TNFRSF8: variants seen among roughly 807,000 people sequenced by gnomAD.
TNFRSF8 encodes tumor necrosis factor receptor superfamily member 8.
Under a neutral mutation model 70.8 loss-of-function variants are expected in TNFRSF8, and 26 were observed. That is an observed-to-expected ratio of 0.37 (90% CI 0.27 to 0.51). TNFRSF8 has a LOEUF of 0.51. TNFRSF8 is among the 20% of genes least tolerant of loss of function. TNFRSF8 has a pLI of 0.94. For missense variants in TNFRSF8, 720 were observed against 807.9 expected (o/e 0.89, Z 1.32); for synonymous variants, 356 against 339.2 (o/e 1.05, Z -0.54).
At chr1:12,081,312 C>A (rs1344516046) in intron 1 of TNFRSF8, among the ~76,000 whole-genome samples, 1 of 152,118 alleles carries the variant, frequency 6.6e-6, no homozygotes, top group Non-Finnish European at 1.5e-5. Context: ...AGACCAAGGA[C>A]AAGGACCCAG....
chr1:12,098,001 T>A (rs1641359735), intron 3 of TNFRSF8, among the ~76,000 whole-genome samples: 1 of 152,236 alleles, frequency 6.6e-6, no homozygotes, highest in Non-Finnish European at 1.5e-5. Context: ...GTATACTTGT[T>A]CATCTATTAG....
intron 1 of TNFRSF8, among the ~76,000 whole-genome samples, chr1:12,065,231 T>G (rs1270395647): frequency 6.6e-6 from 1 of 151,920 alleles, no homozygotes; most frequent in African/African-American, 2.4e-5. Context: ...TACAGGCATG[T>G]GCCACCACAC....
chr1:12,103,447 C>A (rs1641460207), intron 3 of TNFRSF8, among the ~76,000 whole-genome samples: 1 of 152,108 alleles, frequency 6.6e-6, no homozygotes, highest in African/African-American at 2.4e-5. Context: ...ATACCCTCAA[C>A]CCCCTTCCCA....
At chr1:12,128,422 A>G (rs1436027849) in intron 12 of TNFRSF8, among the ~76,000 whole-genome samples, 1 of 152,206 alleles carries the variant, frequency 6.6e-6, no homozygotes, top group Non-Finnish European at 1.5e-5. Context: ...CCTCGAGTGG[A>G]TCGACCTTCC....
At chr1:12,100,877 A>G (rs1018183485) in intron 3 of TNFRSF8, among the ~76,000 whole-genome samples, 3 of 151,728 alleles carry the variant, frequency 2.0e-5, no homozygotes, top group African/African-American at 7.3e-5. Context: ...GAATTGCTTG[A>G]ACCCGGGAGG....
In TNFRSF8 at chr1:12,073,810, G is replaced by A. The variant is rs150791048; in HGVS notation, c.63+10149G>A. Reference sequence around the variant, plus strand: ...GGGGTTTCACCATGTTGGCCAAGCTGGTCTCAAACGCCTGACCTCAAATAA... The same window carrying A: ...GGGGTTTCACCATGTTGGCCAAGCTAGTCTCAAACGCCTGACCTCAAATAA... On this transcript the variant is annotated intron_variant, in intron 1 of 14. Transcript: ENST00000263932. Among the ~76,000 whole-genome samples the A allele has an allele frequency of 6.3e-3, 958 of 151,944 alleles. 7 individuals are homozygous for A. Among genetic ancestry groups the A allele is most frequent in the African/African-American group, 0.021 (870 of 41,464 alleles).
chr1:12,097,953 C>T (rs890046273), intron 3 of TNFRSF8, among the ~76,000 whole-genome samples: 2 of 151,980 alleles, frequency 1.3e-5, no homozygotes, highest in South Asian at 4.2e-4. Flanking sequence ...CTTTTATCAC[C>T]TTTATTTCTG....
Position 12,138,452 on chromosome 1 carries a change from T to A in TNFRSF8, c.1543+16T>A. Reference sequence around the variant, plus strand: ...AACAAGATTGGTGAGTCAGCCTGTTTTGGGAGGTCCCCTGCAGCCCAGGGG... The same window carrying A: ...AACAAGATTGGTGAGTCAGCCTGTTATGGGAGGTCCCCTGCAGCCCAGGGG... On this transcript the variant is annotated intron_variant, in intron 14 of 14. Coordinates refer to ENST00000263932, the MANE Select transcript of TNFRSF8 (RefSeq NM_001243.5). The surrounding 1 kb of genome is among the most constrained non-coding windows in gnomAD (Gnocchi z 5.7). 1 of 1,602,402 alleles carries A rather than the reference T, an allele frequency of 6.2e-7. No homozygotes were observed. The highest frequency in any genetic ancestry group is 1.7e-5 in the Admixed American group (1 of 59,346).
rs1641197230 is a variant in TNFRSF8 at position 12,088,791 on chromosome 1, T to C, written c.151+4240T>C. On this transcript the variant is annotated intron_variant, in intron 2 of 14. Coordinates refer to ENST00000263932, the MANE Select transcript of TNFRSF8 (RefSeq NM_001243.5). This position sits in a 1 kb window ranked among gnomAD's most constrained non-coding sequence, Gnocchi z 4.0. ...GGAGGAGGAGGAGGGGGTTTGTGGG[T>C]TCCCCCAGCTTCCGCTGCCCTTGGG... 6.6e-6 allele frequency among the ~76,000 whole-genome samples: 1 copy of C among 152,202 alleles called. No homozygotes were observed. The highest frequency in any genetic ancestry group is 1.5e-5 in the Non-Finnish European group (1 of 68,028).
chr1:12,103,772 C>T (rs767488653), intron 3 of TNFRSF8, among the ~76,000 whole-genome samples: 13 of 152,168 alleles, frequency 8.5e-5, no homozygotes, highest in African/African-American at 1.7e-4. Context: ...GGATTAAAGG[C>T]GTGAGCCACT....
chr1:12,086,853 C>T (rs1235746941), intron 2 of TNFRSF8, among the ~76,000 whole-genome samples: 2 of 151,822 alleles, frequency 1.3e-5, no homozygotes, highest in Non-Finnish European at 2.9e-5. Context: ...AGGGCCCCAT[C>T]CTTATGACCT....
chr1:12,120,804 G>A (rs1641814833), intron 8 of TNFRSF8, among the ~76,000 whole-genome samples: 1 of 152,226 alleles, frequency 6.6e-6, no homozygotes, highest in South Asian at 2.1e-4. Context: ...AGGAGGAAAA[G>A]GGGAGGATCA....
chr1:12,092,028 G>T (rs534815572), intron 2 of TNFRSF8, among the ~76,000 whole-genome samples: 60 of 152,324 alleles, frequency 3.9e-4, no homozygotes, highest in Admixed American at 7.8e-4. Context: ...GTTCCTAACA[G>T]GCCATGGACT....
rs752966656 is a variant in TNFRSF8, at chr1:12,123,409, T to G, written c.1040+32T>G. 1.7e-5 allele frequency: 26 copies of G among 1,571,226 alleles called. 1 individual carries two copies. In the South Asian group the frequency reaches 2.7e-4, roughly 16 times the overall value. ...CCCCCACCCCTTCTCTCTGTTTGGC[T>G]GCTGCAGGAGGGAGCTGTCCCTGCC... On this transcript the variant is annotated intron_variant, in intron 9 of 14. Coordinates refer to ENST00000263932, the MANE Select transcript of TNFRSF8 (RefSeq NM_001243.5).
At chr1:12,131,213 G>GC (rs1437264533) in intron 12 of TNFRSF8, among the ~76,000 whole-genome samples, 1 of 152,174 alleles carries the variant, frequency 6.6e-6, no homozygotes, top group Non-Finnish European at 1.5e-5. Context: ...ACTTTGGGAG[G>GC]CCAAGGTGGG....
chr1:12,135,248 G>A (rs1436120870), intron 12 of TNFRSF8, among the ~76,000 whole-genome samples: 1 of 150,700 alleles, frequency 6.6e-6, no homozygotes, highest in South Asian at 2.1e-4. Flanking sequence ...CCCAGGAGGC[G>A]GAGGTTACAT....
chr1:12,080,379 T>C (rs78469249), intron 1 of TNFRSF8: 27,120 of 524,874 alleles, frequency 0.052, 1,033 homozygotes, highest in Non-Finnish European at 0.076. Flanking sequence ...TAGAGCTTTG[T>C]CACAGCCTGT....
intron 1 of TNFRSF8, chr1:12,077,810 AG>A (rs1034203873): frequency 6.6e-6 from 1 of 150,512 alleles, no homozygotes; most frequent in Non-Finnish European, 1.5e-5. Flanking sequence ...AGAGAGTACC[AG>A]GGGCTTCACA....
chr1:12,128,614 G>A (rs1257517589), intron 12 of TNFRSF8, among the ~76,000 whole-genome samples: 5 of 152,174 alleles, frequency 3.3e-5, no homozygotes, highest in Non-Finnish European at 5.9e-5. Flanking sequence ...GGATTTTATC[G>A]TGGTTGTTGA....
Sources: allele counts gnomAD v4.1 joint callset (sites outside exome capture counted in the v4.1 genomes callset), GRCh38; gene constraint gnomAD v4.1.1; non-coding constraint Gnocchi (gnomAD v3.1); transcripts MANE v1.5; gene names NCBI Gene and HGNC (gene_info 2026-07-23, HGNC 2026-07-21).